The following TMEM131 variants were observed in gnomAD, a reference collection of about 807,000 sequenced individuals.
TMEM131 encodes 2610524E03Rik.
Under a neutral mutation model 211.6 loss-of-function variants are expected in TMEM131, and 66 were observed. The observed-to-expected ratio is 0.31, with a 90% CI of 0.26 to 0.38. The LOEUF (loss-of-function observed/expected upper bound fraction) is 0.38. TMEM131 is among the 10% of genes least tolerant of loss of function. TMEM131 has a pLI of 1.00. For missense variants in TMEM131, 2,036 were observed against 2,299.3 expected (o/e 0.89, Z 2.34); for synonymous variants, 844 against 841.3 (o/e 1.00, Z -0.06).
intron 1 of TMEM131, among the ~76,000 whole-genome samples, chr2:97,948,084 G>C (rs1322075253): frequency 6.6e-6 from 1 of 152,032 alleles, no homozygotes; most frequent in Non-Finnish European, 1.5e-5. Context: ...AAAGTTCCTA[G>C]AAATCAACAC....
At chr2:97,967,091 A>G (rs1257774506) in intron 1 of TMEM131, among the ~76,000 whole-genome samples, 5 of 152,196 alleles carry the variant, frequency 3.3e-5, no homozygotes, top group African/African-American at 1.2e-4. Context: ...GATGGAACTT[A>G]TGGAGTATTG....
chr2:97,991,495 T>A (rs1326566551), intron 1 of TMEM131, among the ~76,000 whole-genome samples: 1 of 151,988 alleles, frequency 6.6e-6, no homozygotes, highest in African/African-American at 2.4e-5. Flanking sequence ...ATAGCATTAA[T>A]AAAAAACTGA....
intron 1 of TMEM131, among the ~76,000 whole-genome samples, chr2:97,970,931 T>C (rs1679269927): frequency 6.6e-6 from 1 of 152,146 alleles, no homozygotes; most frequent in Non-Finnish European, 1.5e-5. Flanking sequence ...CTTGGACAAA[T>C]AAAAGCCGGG....
At chr2:97,777,068 T>C (rs564174141) in intron 31 of TMEM131, among the ~76,000 whole-genome samples, 1 of 152,352 alleles carries the variant, frequency 6.6e-6, no homozygotes, top group Admixed American at 6.5e-5. Context: ...AGCAGTGTTC[T>C]GTGTGCTGGG....
At chr2:97,827,509 G>A (rs55886253) in intron 11 of TMEM131, 3 of 1,072,976 alleles carry the variant, frequency 2.8e-6, no homozygotes, top group South Asian at 1.2e-5. Context: ...GGAGAGTCCA[G>A]CCTCTGATGA....
intron 31 of TMEM131, among the ~76,000 whole-genome samples, chr2:97,792,007 T>C (rs956250128): frequency 4.6e-5 from 7 of 152,182 alleles, no homozygotes; most frequent in Non-Finnish European, 1.0e-4. Context: ...CAACCCCTGC[T>C]CTAAAGTAAA....
At chr2:97,914,880 G>C (rs1345349790) in intron 2 of TMEM131, among the ~76,000 whole-genome samples, 1 of 152,138 alleles carries the variant, frequency 6.6e-6, no homozygotes, top group African/African-American at 2.4e-5. Context: ...TCATTTCTTT[G>C]GGAGAATCCC....
intron 1 of TMEM131, among the ~76,000 whole-genome samples, chr2:97,994,446 G>A (rs1680400658): frequency 1.3e-5 from 2 of 152,160 alleles, no homozygotes; most frequent in Admixed American, 6.5e-5. Context: ...TACTAATTTG[G>A]TTTGTATTTG....
chr2:97,906,257 T>C (rs1300367617), intron 3 of TMEM131, among the ~76,000 whole-genome samples: 1 of 152,206 alleles, frequency 6.6e-6, no homozygotes, highest in African/African-American at 2.4e-5. Flanking sequence ...TATTTTGTTA[T>C]AGCATCCTGG....
chr2:97,926,324 A>C (rs538650990), intron 2 of TMEM131, among the ~76,000 whole-genome samples: 13 of 152,308 alleles, frequency 8.5e-5, no homozygotes, highest in African/African-American at 3.1e-4. Flanking sequence ...TTCTGTTCTA[A>C]TCATAGCATA....
chr2:97,838,668 C>T (rs190068604), intron 7 of TMEM131, among the ~76,000 whole-genome samples: 2 of 152,200 alleles, frequency 1.3e-5, no homozygotes, highest in African/African-American at 4.8e-5. Flanking sequence ...TGGTCTTGAA[C>T]TCCTGACCTC....
At chr2:97,791,015 T>C (rs537799261) in intron 31 of TMEM131, among the ~76,000 whole-genome samples, 9 of 152,328 alleles carry the variant, frequency 5.9e-5, no homozygotes, top group East Asian at 5.8e-4. Flanking sequence ...TCCGTATAAA[T>C]TGAAGCCCAA....
chr2:97,987,361 A>G (rs1319172615), intron 1 of TMEM131, among the ~76,000 whole-genome samples: 2 of 152,004 alleles, frequency 1.3e-5, no homozygotes, highest in African/African-American at 4.8e-5. Context: ...AAATTAGCTG[A>G]GCGTGGTGGC....
At chr2:97,842,074 C>G in intron 6 of TMEM131, 137 bp from the exon 7 acceptor site, 1 of 828,646 alleles carries the variant, frequency 1.2e-6, no homozygotes. Flanking sequence ...TTAAAAAAAA[C>G]CCCCACAAAT....
intron 7 of TMEM131, among the ~76,000 whole-genome samples, chr2:97,838,915 T>C (rs530068696): frequency 9.7e-4 from 148 of 152,338 alleles, no homozygotes; most frequent in African/African-American, 3.1e-3. Flanking sequence ...TTAATAATAA[T>C]AGCACCTTAA....
chr2:97,838,608 C>A (rs991809637), intron 7 of TMEM131, among the ~76,000 whole-genome samples: 1 of 151,870 alleles, frequency 6.6e-6, no homozygotes, highest in Admixed American at 6.6e-5. Context: ...CCACGCCCAG[C>A]TAATTTTTGT....
chr2:97,957,052 G>A (rs953236836), intron 1 of TMEM131, among the ~76,000 whole-genome samples: 2 of 150,708 alleles, frequency 1.3e-5, no homozygotes, highest in African/African-American at 2.5e-5. Flanking sequence ...AGCCGAGATC[G>A]CGCCACTGCA....
intron 4 of TMEM131, among the ~76,000 whole-genome samples, chr2:97,876,373 T>C (rs1674694424): frequency 6.6e-6 from 1 of 152,216 alleles, no homozygotes; most frequent in Admixed American, 6.5e-5. Context: ...AGCATCATCC[T>C]GATCCAAAAC....
chr2:97,838,379 G>T (rs1683028530), intron 7 of TMEM131, among the ~76,000 whole-genome samples: 1 of 144,162 alleles, frequency 6.9e-6, no homozygotes, highest in African/African-American at 2.5e-5. Context: ...CTCCAGGAGT[G>T]AATAAAAAAG....
Sources: allele counts gnomAD v4.1 joint callset (sites outside exome capture counted in the v4.1 genomes callset), GRCh38; gene constraint gnomAD v4.1.1; transcripts MANE v1.5; gene names NCBI Gene and HGNC (gene_info 2026-07-23, HGNC 2026-07-21).